Variants in RBFOX1 observed in about 807,000 individuals in gnomAD.
RBFOX1 encodes RNA binding protein fox-1 homolog 1.
RBFOX1 carries 8 observed loss-of-function variants against 57.7 expected under a neutral mutation model. That is an observed-to-expected ratio of 0.14 (90% CI 0.08 to 0.25). The LOEUF is 0.25. Ranked by LOEUF, RBFOX1 falls within the 10% of genes least tolerant of loss-of-function variation. RBFOX1 has a pLI of 1.00. For synonymous variants in RBFOX1, 326 were observed against 222.4 expected (o/e 1.47, Z -4.15); for missense variants, 611 against 548.5 (o/e 1.11, Z -1.14).
Position 6,887,992 on chromosome 16 carries a change from T to G in RBFOX1, c.-15-164065T>G, listed in dbSNP as rs138375563. Reference sequence around the variant, plus strand: ...TCATCATTTTTATTACTGCATCTTATTCTGTTTGGGGTTTTTGTTTGGGTG... The same window carrying G: ...TCATCATTTTTATTACTGCATCTTAGTCTGTTTGGGGTTTTTGTTTGGGTG... On this transcript the variant is annotated intron_variant, in intron 3 of 15. Coordinates refer to ENST00000550418, the MANE Select transcript of RBFOX1 (RefSeq NM_018723.4). Among the ~76,000 whole-genome samples the G allele has an allele frequency of 5.2e-3, 791 of 152,206 alleles. 8 individuals are homozygous for G. Among genetic ancestry groups the G allele is most frequent in the African/African-American group, 0.018 (741 of 41,536 alleles).
At position 6,087,136 on chromosome 16, in the gene RBFOX1, A is replaced by G. The variant is rs1027233137; in HGVS notation, c.-127+67144A>G. Among the ~76,000 whole-genome samples, 16 of 152,218 alleles carry G rather than the reference A, an allele frequency of 1.1e-4. 1 individual carries two copies. Among genetic ancestry groups the G allele is most frequent in the Admixed American group, 9.2e-4 (14 of 15,278 alleles). Reference sequence around the variant, plus strand: ...TCAGCAAATTTAGATGATGAGATGAAAAGTTAGATTTATGAGGATAGATTC... The same window carrying G: ...TCAGCAAATTTAGATGATGAGATGAGAAGTTAGATTTATGAGGATAGATTC... On this transcript the variant is annotated intron_variant, in intron 1 of 15. Coordinates refer to ENST00000550418, the MANE Select transcript of RBFOX1 (RefSeq NM_018723.4).
At chr16:7,147,706 A>G (rs1478629412) in intron 4 of RBFOX1, among the ~76,000 whole-genome samples, 1 of 151,940 alleles carries the variant, frequency 6.6e-6, no homozygotes, top group African/African-American at 2.4e-5. Flanking sequence ...CATTTTCTTT[A>G]TCCTATCTGC....
At chr16:7,039,422 A>C (rs573212553) in intron 3 of RBFOX1, among the ~76,000 whole-genome samples, 2 of 152,104 alleles carry the variant, frequency 1.3e-5, no homozygotes, top group African/African-American at 4.8e-5. Flanking sequence ...TCTCCAAGCT[A>C]TTTTCTCAAG....
intron 3 of RBFOX1, among the ~76,000 whole-genome samples, chr16:6,868,192 C>A (rs577705568): frequency 6.6e-6 from 1 of 152,080 alleles, no homozygotes; most frequent in South Asian, 2.1e-4. Flanking sequence ...TTCAGTGCTA[C>A]ATGTTACAGC....
At chr16:5,663,521 T>C (rs983429785) in intron 3 of RBFOX1, among the ~76,000 whole-genome samples, 1 of 152,134 alleles carries the variant, frequency 6.6e-6, no homozygotes, top group African/African-American at 2.4e-5. Flanking sequence ...TCCTATTGAA[T>C]AGCCAATTGA....
chr16:6,787,186 G>C (rs62016111), intron 3 of RBFOX1, among the ~76,000 whole-genome samples: 46,360 of 151,994 alleles, frequency 0.31, 8,656 homozygotes, highest in African/African-American at 0.5. Context: ...AGTGAAGGTC[G>C]TATGTGGCAC....
intron 1 of RBFOX1, among the ~76,000 whole-genome samples, chr16:6,162,354 A>T (rs1312232276): frequency 6.6e-6 from 1 of 152,064 alleles, no homozygotes; most frequent in Non-Finnish European, 1.5e-5. Context: ...GCCTTATGTG[A>T]TCCACCTGCT....
intron 4 of RBFOX1, among the ~76,000 whole-genome samples, chr16:7,175,748 T>C (rs1361974219): frequency 6.6e-6 from 1 of 152,166 alleles, no homozygotes; most frequent in African/African-American, 2.4e-5. Flanking sequence ...TTTCTTTCAT[T>C]TTTTTGATAA....
At chr16:5,872,788 G>A (rs753742017) in intron 4 of RBFOX1, among the ~76,000 whole-genome samples, 1 of 152,000 alleles carries the variant, frequency 6.6e-6, no homozygotes, top group Non-Finnish European at 1.5e-5. Context: ...ACAGAGCCTG[G>A]CATACAGTAG....
chr16:7,256,201 G>C (rs868380207), intron 4 of RBFOX1, among the ~76,000 whole-genome samples: 87 of 152,174 alleles, frequency 5.7e-4, no homozygotes, highest in African/African-American at 2.1e-3. Context: ...GATGGTATGA[G>C]GTTGGCTCTC....
intron 3 of RBFOX1, among the ~76,000 whole-genome samples, chr16:6,899,485 C>T (rs112791543): frequency 2.0e-5 from 3 of 152,190 alleles, no homozygotes; most frequent in Admixed American, 6.5e-5. Context: ...AGCACCGAGT[C>T]ATCTGCTTAC....
intron 1 of RBFOX1, among the ~76,000 whole-genome samples, chr16:6,044,921 T>C (rs907418699): frequency 6.6e-6 from 1 of 152,212 alleles, no homozygotes; most frequent in African/African-American, 2.4e-5. Context: ...AGACCAACTT[T>C]GTAAAATTTT....
chr16:6,430,327 A>G (rs1029869581), intron 2 of RBFOX1, among the ~76,000 whole-genome samples: 15 of 152,154 alleles, frequency 9.9e-5, no homozygotes, highest in African/African-American at 3.1e-4. Context: ...TGGCCGGGGA[A>G]TGACAAAATG....
At chr16:6,691,167 A>G (rs903161194) in intron 3 of RBFOX1, among the ~76,000 whole-genome samples, 1 of 152,150 alleles carries the variant, frequency 6.6e-6, no homozygotes, top group Non-Finnish European at 1.5e-5. Context: ...TTTTGTATCA[A>G]AAAGTGTCTG....
At chr16:7,018,787 T>TAAAAAA (rs141781801) in intron 3 of RBFOX1, among the ~76,000 whole-genome samples, 1 of 146,454 alleles carries the variant, frequency 6.8e-6, no homozygotes, top group Admixed American at 6.8e-5. Flanking sequence ...CTTAAAGTAT[T>TAAAAAA]AAAAAAAAAA....
rs572878943 is a variant in RBFOX1, at chr16:6,718,541, C to T, written c.-16+63891C>T. ...ACCACCTTTAAGGAGGCAGCATTTT[C>T]GTGGAGACCTGACATGGTTTGGATT... On this transcript the variant is annotated intron_variant, in intron 3 of 15. Coordinates refer to ENST00000550418, the MANE Select transcript of RBFOX1 (RefSeq NM_018723.4). 1.8e-4 allele frequency among the ~76,000 whole-genome samples: 27 copies of T among 152,272 alleles called. No homozygotes were observed. The East Asian group carries it at 4.6e-3, about 26-fold the overall frequency.
rs187916934 is a variant in RBFOX1 at position 6,142,424 on chromosome 16, T to C, written c.-127+122432T>C. Among the ~76,000 whole-genome samples the C allele has an allele frequency of 1.3e-3, 192 of 152,040 alleles. 2 individuals carry two copies. In the East Asian group the frequency reaches 0.033, roughly 26 times the overall value. ...TTTTAGTAGAGATGGGGTTTCACCATGTTAGCCAGGATGGTCTCGATCTCC... is the reference window on the plus strand; with the variant it reads ...TTTTAGTAGAGATGGGGTTTCACCACGTTAGCCAGGATGGTCTCGATCTCC... On this transcript the variant is annotated intron_variant, in intron 1 of 15. Transcript: ENST00000550418.
At chr16:6,216,594 C>T (rs920851240) in intron 1 of RBFOX1, among the ~76,000 whole-genome samples, 1 of 152,134 alleles carries the variant, frequency 6.6e-6, no homozygotes, top group Non-Finnish European at 1.5e-5. Flanking sequence ...GCAAAGTATC[C>T]AACAAACTCA....
chr16:7,125,520 T>C lies in RBFOX1; in HGVS notation c.27+73422T>C, dbSNP rs1422755531. ...TTGAAGTTTGTTCCTTCAGAAAATA[T>C]GGTTAACACACATTTTTTGATAACT... On this transcript the variant is annotated intron_variant, in intron 4 of 15. Coordinates refer to ENST00000550418, the MANE Select transcript of RBFOX1 (RefSeq NM_018723.4). Among the ~76,000 whole-genome samples the C allele has an allele frequency of 2.6e-5, 4 of 152,206 alleles. No individual in the cohort carries two copies. The South Asian group carries it at 8.3e-4, about 31-fold the overall frequency.
Sources: allele counts gnomAD v4.1 joint callset (sites outside exome capture counted in the v4.1 genomes callset), GRCh38; gene constraint gnomAD v4.1.1; transcripts MANE v1.5; gene names NCBI Gene and HGNC (gene_info 2026-07-23, HGNC 2026-07-21).